UMAD1: variants seen among roughly 807,000 people sequenced by gnomAD.
UMAD1 encodes the protein UBAP1-MVB12-associated (UMA)-domain containing protein 1.
UMAD1 carries 8 observed loss-of-function variants against 6.1 expected under a neutral mutation model. The observed-to-expected ratio is 1.30, with a 90% CI of 0.76 to 2.35. The LOEUF (loss-of-function observed/expected upper bound fraction) is 2.35. UMAD1 is among the 30% of genes most tolerant of loss of function. The pLI is 0.00. For synonymous variants in UMAD1, 56 were observed against 31.4 expected, an observed-to-expected ratio of 1.78 and a Z score of -2.61; for missense variants, 130 against 78.4, an observed-to-expected ratio of 1.66 and a Z score of -2.49.
At chr7:7,736,487 AC>A (rs1319217753) in intron 2 of UMAD1, 1 of 152,320 alleles carries the variant, frequency 6.6e-6, no homozygotes, top group African/African-American at 2.4e-5. Flanking sequence ...TTATTCACGC[AC>A]TACTTTCAGA....
At chr7:7,804,967 C>T (rs1268665814) in intron 3 of UMAD1, among the ~76,000 whole-genome samples, 4 of 147,598 alleles carry the variant, frequency 2.7e-5, no homozygotes, top group African/African-American at 7.5e-5. Context: ...GGCGACAGAG[C>T]GGAACTCCTT....
chr7:7,816,181 C>G (rs1783121545), intron 3 of UMAD1, among the ~76,000 whole-genome samples: 1 of 34,950 alleles, frequency 2.9e-5, no homozygotes, highest in Non-Finnish European at 6.1e-5. Flanking sequence ...ACCCATTTCC[C>G]AAGGTCACAA....
chr7:7,742,713 G>C, intron 2 of UMAD1: 1 of 230,806 alleles, frequency 4.3e-6, no homozygotes, highest in South Asian at 5.2e-5. Flanking sequence ...TTGAAATTCT[G>C]TATTTATTTC....
intron 2 of UMAD1, among the ~76,000 whole-genome samples, chr7:7,695,981 GTTT>G (rs34880729): frequency 7.6e-6 from 1 of 130,734 alleles, no homozygotes; most frequent in African/African-American, 2.9e-5. Flanking sequence ...GTATATCTCC[GTTT>G]TTTTTTTTTT....
chr7:7,760,523 G>T (rs1186108809), intron 2 of UMAD1, among the ~76,000 whole-genome samples: 4 of 151,830 alleles, frequency 2.6e-5, no homozygotes, highest in Non-Finnish European at 4.4e-5. Context: ...GCCAAAGTGA[G>T]GGGATTTTTC....
At position 7,855,864 on chromosome 7, in the gene UMAD1, G is replaced by A. The variant is rs552641282; in HGVS notation, c.157-21417G>A. On this transcript the variant is annotated intron_variant, in intron 3 of 3. Coordinates refer to ENST00000682710, the MANE Select transcript of UMAD1 (RefSeq NM_001302348.2). Reference sequence around the variant, plus strand: ...GCTTTGCTGCTTAGAAATATCTTCCGCCAGATACCCTACATCGTCTCTCAA... The same window carrying A: ...GCTTTGCTGCTTAGAAATATCTTCCACCAGATACCCTACATCGTCTCTCAA... Among the ~76,000 whole-genome samples the A allele has an allele frequency of 8.5e-5, 13 of 152,112 alleles. No homozygotes were observed. The East Asian group carries it at 1.2e-3, about 14-fold the overall frequency.
At chr7:7,867,793 AT>A (rs1784260189) in intron 3 of UMAD1, among the ~76,000 whole-genome samples, 1 of 152,148 alleles carries the variant, frequency 6.6e-6, no homozygotes, top group Admixed American at 6.5e-5. Context: ...GTTGAGTCGA[AT>A]TTTAAAAAAT....
At chr7:7,802,356 G>A (rs934370801) in intron 3 of UMAD1, among the ~76,000 whole-genome samples, 3 of 146,668 alleles carry the variant, frequency 2.0e-5, no homozygotes, top group Non-Finnish European at 4.5e-5. Context: ...CCTGCCTGGC[G>A]ACAGAGCGAG....
chr7:7,824,929 T>G (rs1174958599), intron 3 of UMAD1, among the ~76,000 whole-genome samples: 3 of 152,208 alleles, frequency 2.0e-5, no homozygotes, highest in Non-Finnish European at 2.9e-5. Context: ...CTATGCTGTT[T>G]ATTAGTTAAC....
chr7:7,735,153 A>G (rs1781326658), intron 2 of UMAD1, among the ~76,000 whole-genome samples: 1 of 152,192 alleles, frequency 6.6e-6, no homozygotes, highest in Non-Finnish European at 1.5e-5. Flanking sequence ...TATGCCTTAA[A>G]TTAATATTGT....
intron 2 of UMAD1, among the ~76,000 whole-genome samples, chr7:7,759,965 C>T (rs1469769091): frequency 2.6e-5 from 4 of 152,126 alleles, no homozygotes; most frequent in Non-Finnish European, 5.9e-5. Flanking sequence ...GACGCCCCCT[C>T]CTCTTGAATC....
intron 2 of UMAD1, among the ~76,000 whole-genome samples, chr7:7,762,717 T>C (rs760541855): frequency 6.6e-6 from 1 of 152,184 alleles, no homozygotes; most frequent in Non-Finnish European, 1.5e-5. Flanking sequence ...TAGAGTGATA[T>C]AAACATCACT....
In UMAD1 at chr7:7,877,916, TCTC is replaced by T; in HGVS notation, c.*382_*384del. 5.6e-6 allele frequency: 1 copy of T among 179,506 alleles called. No individual in the cohort carries two copies. Among genetic ancestry groups the T allele is most frequent in the Non-Finnish European group, 1.2e-5 (1 of 85,216 alleles). 11.1% of individuals were successfully genotyped at this position (179,506 alleles called of 1,614,324 possible). A position where few individuals can be genotyped will look rare whatever the true frequency, so the allele number is the denominator to read the frequency against. On this transcript the variant is annotated 3_prime_UTR_variant, in exon 4 of 4. Coordinates refer to ENST00000682710, the MANE Select transcript of UMAD1 (RefSeq NM_001302348.2). Reference sequence around the variant, plus strand: ...GTCTGAGCAAGAAGTGGGTGTGAAGTCTCCTCTCTGGTTTGTAGGAAGTTGAAT... The same window carrying T: ...GTCTGAGCAAGAAGTGGGTGTGAAGTCTCTCTGGTTTGTAGGAAGTTGAAT...
In UMAD1 at chr7:7,731,491, C is replaced by CAA. The variant is rs1554321025; in HGVS notation, c.82+58047_82+58048dup. Among the ~76,000 whole-genome samples, 8 of 134,508 alleles carry CAA rather than the reference C, an allele frequency of 5.9e-5. 1 individual carries two copies. The highest frequency in any genetic ancestry group is 1.7e-4 in the African/African-American group (6 of 35,822). The allele number at this position is 134,508 out of a possible 152,430, so 88.2% of individuals were successfully genotyped here. A position where few individuals can be genotyped will look rare whatever the true frequency, so the allele number is the denominator to read the frequency against. Reference sequence around the variant, plus strand: ...GAAAAGCAAACAAACAACCCCCCCCCAAAAAAAAAACACTTCTAGAGGTAT... The same window carrying CAA: ...GAAAAGCAAACAAACAACCCCCCCCCAAAAAAAAAAAACACTTCTAGAGGTAT... On this transcript the variant is annotated intron_variant, in intron 2 of 3. Coordinates refer to ENST00000682710, the MANE Select transcript of UMAD1 (RefSeq NM_001302348.2).
At chr7:7,705,990 C>T (rs1215345515) in intron 2 of UMAD1, among the ~76,000 whole-genome samples, 2 of 152,070 alleles carry the variant, frequency 1.3e-5, no homozygotes, top group African/African-American at 2.4e-5. Context: ...GGTATGTGTA[C>T]TCTATAATCT....
chr7:7,801,448 A>G (rs1046281074), intron 2 of UMAD1, among the ~76,000 whole-genome samples: 1 of 152,230 alleles, frequency 6.6e-6, no homozygotes, highest in Admixed American at 6.5e-5. Flanking sequence ...AAAACAGGAT[A>G]CATTTAGGTT....
chr7:7,689,561 T>C (rs910810199), intron 2 of UMAD1: 3 of 152,222 alleles, frequency 2.0e-5, no homozygotes, highest in African/African-American at 7.2e-5. Context: ...CAGATGTGCT[T>C]ATAATGCTAT....
chr7:7,828,392 C>T (rs1456955825), intron 3 of UMAD1, among the ~76,000 whole-genome samples: 2 of 152,200 alleles, frequency 1.3e-5, no homozygotes, highest in African/African-American at 4.8e-5. Context: ...ACTCAGGTCA[C>T]ATACCTAATC....
chr7:7,750,908 G>T (rs1303781107), intron 2 of UMAD1, among the ~76,000 whole-genome samples: 1 of 152,170 alleles, frequency 6.6e-6, no homozygotes, highest in Non-Finnish European at 1.5e-5. Flanking sequence ...AATAGAGATA[G>T]CAAACAGTGT....
Sources: allele counts gnomAD v4.1 joint callset (sites outside exome capture counted in the v4.1 genomes callset), GRCh38; gene constraint gnomAD v4.1.1; transcripts MANE v1.5; gene names NCBI Gene and HGNC (gene_info 2026-07-23, HGNC 2026-07-21).